ERMP1: variants seen among roughly 807,000 people sequenced by gnomAD.
ERMP1 encodes Felix-ina.
In ERMP1, 86 loss-of-function variants were observed where a neutral mutation model predicts 92.0. The observed-to-expected ratio is 0.93, with a 90% CI of 0.79 to 1.12. The LOEUF (loss-of-function observed/expected upper bound fraction) is 1.12, where lower values mean the gene tolerates loss of function less well. ERMP1 is among the 50% of genes most tolerant of loss of function. The pLI, the probability that ERMP1 is intolerant of heterozygous loss-of-function variation, is 0.00. For synonymous variants in ERMP1, 530 were observed against 412.8 expected (o/e 1.28, Z -3.44); for missense variants, 1,342 against 1,116.3 (o/e 1.20, Z -2.88).
chr9:5,808,963 G>A (rs188481413), intron 8 of ERMP1, among the ~76,000 whole-genome samples: 10 of 151,918 alleles, frequency 6.6e-5, no homozygotes, highest in East Asian at 1.9e-4. Context: ...AAAGCGATCC[G>A]CCTGCCCAGC....
chr9:5,861,170 G>GTGTGTGTGTGTGT (rs1554630171), intron 5 of ERMP1, among the ~76,000 whole-genome samples: 22 of 102,134 alleles, frequency 2.2e-4, no homozygotes, highest in African/African-American at 6.7e-4. Context: ...TGGCTTAGGG[G>GTGTGTGTGTGTGT]GTGTGTGTGT....
chr9:5,826,918 G>T (rs1430888134), intron 2 of ERMP1, among the ~76,000 whole-genome samples: 3 of 152,186 alleles, frequency 2.0e-5, no homozygotes, highest in Non-Finnish European at 4.4e-5. Context: ...TGCGTTAAAA[G>T]AGAACTACAG....
Position 5,813,026 on chromosome 9 carries a change from T to G in ERMP1, c.884A>C (p.Asn295Thr). 2 of 1,613,892 alleles carry G rather than the reference T, an allele frequency of 1.2e-6. No individual in the cohort carries two copies. The highest frequency in any genetic ancestry group is 1.7e-6 in the Non-Finnish European group (2 of 1,179,868). The stretch of plus-strand genomic sequence containing the variant: ...AACATAAGCTTGAACCAACCAAGGA[T>G]TTTCAGGACCTAAAATGAAAGATGA... The part of the protein sequence containing the change: ...KELVFQTGPE[N>T]PWLVQAYVSA... The change falls in exon 5 of 15, where the codon AAT becomes ACT. Residue 295 changes from asparagine (N) to threonine (T), a missense_variant. Transcript: ENST00000339450.
At chr9:5,845,376 A>T (rs1830222834) in intron 6 of ERMP1, among the ~76,000 whole-genome samples, 1 of 152,188 alleles carries the variant, frequency 6.6e-6, no homozygotes, top group African/African-American at 2.4e-5. Flanking sequence ...CAGCCTGGGC[A>T]ACATAGCAAG....
chr9:5,864,632 G>A (rs1165630804), intron 5 of ERMP1, among the ~76,000 whole-genome samples: 1 of 152,144 alleles, frequency 6.6e-6, no homozygotes, highest in African/African-American at 2.4e-5. Flanking sequence ...TGGGGCAGGT[G>A]GAAGAAGCCA....
At chr9:5,809,987 T>A in intron 8 of ERMP1, 24 bp downstream of exon 8, 1 of 1,494,204 alleles carries the variant, frequency 6.7e-7, no homozygotes. Flanking sequence ...CAGAAAGAAA[T>A]CAACAAATAT....
At chr9:5,844,551 G>T (rs973289818) in intron 6 of ERMP1, among the ~76,000 whole-genome samples, 1 of 152,206 alleles carries the variant, frequency 6.6e-6, no homozygotes, top group African/African-American at 2.4e-5. Flanking sequence ...TGGGATTACA[G>T]GCGTGAGCCA....
chr9:5,840,630 G>A (rs1563778580), intron 6 of ERMP1, among the ~76,000 whole-genome samples: 2 of 152,244 alleles, frequency 1.3e-5, no homozygotes, highest in South Asian at 4.1e-4. Context: ...CAGAGCATGG[G>A]TGCTGCGCTG....
rs138396442 is a variant in ERMP1 at position 5,838,885 on chromosome 9, A to T, written n.3200-5573T>A. Reference sequence around the variant, plus strand: ...AAAGAAAGGAAAGAACACTAAAGCAATAACAGTGGTTATCTCTGGGTGATT... The same window carrying T: ...AAAGAAAGGAAAGAACACTAAAGCATTAACAGTGGTTATCTCTGGGTGATT... On this transcript the variant is annotated intron_variant and non_coding_transcript_variant, in intron 6 of 6. Coordinates refer to the ERMP1 transcript ENST00000690753. 6.6e-5 allele frequency among the ~76,000 whole-genome samples: 10 copies of T among 152,332 alleles called. No homozygotes were observed. The East Asian group carries it at 1.9e-3, about 29-fold the overall frequency.
intron 2 of ERMP1, among the ~76,000 whole-genome samples, chr9:5,827,871 G>A (rs976315905): frequency 2.0e-5 from 3 of 151,962 alleles, no homozygotes; most frequent in Admixed American, 6.6e-5. Flanking sequence ...CCAGCTACTC[G>A]GGAGGCTGAG....
At chr9:5,805,520 T>C in intron 9 of ERMP1, 91 bp downstream of exon 9, 8 of 1,151,440 alleles carry the variant, frequency 6.9e-6, no homozygotes, top group Non-Finnish European at 9.6e-6. Flanking sequence ...TTAGAAAGCC[T>C]ACCCAATAAA....
chr9:5,838,540 A>AG (rs574720056), intron 6 of ERMP1, among the ~76,000 whole-genome samples: 2,066 of 152,068 alleles, frequency 0.014, 45 homozygotes, highest in African/African-American at 0.045. Flanking sequence ...CAAAAAAAAA[A>AG]AAGAAGAAGA....
intron 6 of ERMP1, among the ~76,000 whole-genome samples, chr9:5,843,772 C>A (rs893337207): frequency 2.6e-5 from 4 of 152,248 alleles, no homozygotes; most frequent in Admixed American, 1.3e-4. Context: ...GGAGTCTTCT[C>A]TCTCATCCCC....
chr9:5,823,000 C>T (rs146055340), intron 4 of ERMP1, among the ~76,000 whole-genome samples: 265 of 152,236 alleles, frequency 1.7e-3, no homozygotes, highest in Non-Finnish European at 2.5e-3. Context: ...AACTATTTCT[C>T]TGGGCCAGGC....
At chr9:5,827,490 C>A (rs1268682788) in intron 2 of ERMP1, among the ~76,000 whole-genome samples, 1 of 152,258 alleles carries the variant, frequency 6.6e-6, no homozygotes, top group Non-Finnish European at 1.5e-5. Context: ...GTGTGAAACA[C>A]TATTTTTAAC....
At chr9:5,864,592 A>C (rs1830597061) in intron 5 of ERMP1, among the ~76,000 whole-genome samples, 1 of 152,224 alleles carries the variant, frequency 6.6e-6, no homozygotes, top group Admixed American at 6.5e-5. Flanking sequence ...TCAAAATGAC[A>C]GGCTTTCCTC....
At chr9:5,789,593 C>T (rs1828087771) in intron 13 of ERMP1, among the ~76,000 whole-genome samples, 2 of 152,226 alleles carry the variant, frequency 1.3e-5, no homozygotes, top group Non-Finnish European at 2.9e-5. Flanking sequence ...CACCTAGGTT[C>T]GAGTGCAGTG....
chr9:5,854,061 AG>A (rs918511059), intron 6 of ERMP1, among the ~76,000 whole-genome samples: 14 of 152,044 alleles, frequency 9.2e-5, no homozygotes, highest in Admixed American at 9.2e-4. Context: ...ATTTTAACAA[AG>A]GGGGATAAAT....
At chr9:5,823,336 C>T (rs1448053042) in intron 4 of ERMP1, among the ~76,000 whole-genome samples, 2 of 152,042 alleles carry the variant, frequency 1.3e-5, no homozygotes, top group Non-Finnish European at 2.9e-5. Flanking sequence ...ATTTTTTTAA[C>T]ATTCCACTAA....
Sources: allele counts gnomAD v4.1 joint callset (sites outside exome capture counted in the v4.1 genomes callset), GRCh38; gene constraint gnomAD v4.1.1; transcripts MANE v1.5; gene names NCBI Gene and HGNC (gene_info 2026-07-23, HGNC 2026-07-21).